SAMD5: variants seen among roughly 807,000 people sequenced by gnomAD.
SAMD5 encodes sterile alpha motif domain containing 5.
A neutral mutation model predicts 11.3 loss-of-function variants in SAMD5; 13 were observed. The observed-to-expected ratio is 1.15, with a 90% CI of 0.75 to 1.83. The LOEUF is 1.83. SAMD5 is among the 40% of genes most tolerant of loss of function. The pLI is 0.00. For missense variants in SAMD5, 255 were observed against 239.1 expected (o/e 1.07, Z -0.44); for synonymous variants, 129 against 111.3 (o/e 1.16, Z -1.00).
intron 1 of SAMD5, among the ~76,000 whole-genome samples, chr6:147,600,410 T>C (rs1270508695): frequency 2.0e-5 from 3 of 152,182 alleles, no homozygotes; most frequent in South Asian, 2.1e-4. Context: ...TGGCTTCAGA[T>C]AGATTTTCTA....
chr6:147,674,896 T>C (rs1362519543), intron 1 of SAMD5, among the ~76,000 whole-genome samples: 4 of 152,230 alleles, frequency 2.6e-5, no homozygotes, highest in Non-Finnish European at 5.9e-5. Context: ...CCACCACACC[T>C]GATTCACAAA....
At chr6:147,903,725 T>A in the SAMD5 span, among the ~76,000 whole-genome samples, 1 of 151,932 alleles carries the variant, frequency 6.6e-6, no homozygotes, top group Non-Finnish European at 1.5e-5. Context: ...CTGGCCAACA[T>A]GGTGAAACCC....
At chr6:147,533,270 A>T (rs996554630) in intron 1 of SAMD5, among the ~76,000 whole-genome samples, 2 of 151,842 alleles carry the variant, frequency 1.3e-5, no homozygotes, top group African/African-American at 4.8e-5. Flanking sequence ...CCTCAACTTC[A>T]TGGTAGACCT....
chr6:147,523,076 T>G (rs1475520876), intron 1 of SAMD5, among the ~76,000 whole-genome samples: 2 of 152,030 alleles, frequency 1.3e-5, no homozygotes, highest in Admixed American at 1.3e-4. Flanking sequence ...CACCTCCCCC[T>G]CAATCCCCTA....
chr6:147,663,778 C>T (rs1439288316), intron 1 of SAMD5, among the ~76,000 whole-genome samples: 10 of 102,590 alleles, frequency 9.7e-5, no homozygotes, highest in Admixed American at 3.2e-4. Context: ...GGTGAAAGAG[C>T]GAAACTCTGT....
chr6:147,522,606 A>G (rs911611128), intron 1 of SAMD5, among the ~76,000 whole-genome samples: 2 of 152,256 alleles, frequency 1.3e-5, no homozygotes, highest in African/African-American at 2.4e-5. Flanking sequence ...TGAGGAATTC[A>G]TAATAATCTT....
At chr6:147,806,546 T>C in the SAMD5 span, among the ~76,000 whole-genome samples, 29 of 152,228 alleles carry the variant, frequency 1.9e-4, no homozygotes, top group Non-Finnish European at 3.7e-4. Context: ...CTCTGACCTC[T>C]AGCACATGCA....
At position 147,567,600 on chromosome 6, in the gene SAMD5, A is replaced by G. The variant is rs1789062967; in HGVS notation, c.*3144A>G. 2.1e-6 allele frequency: 2 copies of G among 956,162 alleles called. No individual in the cohort carries two copies. The highest frequency in any genetic ancestry group is 2.5e-6 in the Non-Finnish European group (2 of 803,512). 59.2% of individuals were successfully genotyped at this position (956,162 alleles called of 1,614,324 possible). A position where few individuals can be genotyped will look rare whatever the true frequency, so the allele number is the denominator to read the frequency against. On this transcript the variant is annotated 3_prime_UTR_variant, in exon 2 of 2. Coordinates refer to ENST00000367474, the MANE Select transcript of SAMD5 (RefSeq NM_001030060.3). ...AGTTCTATGGCTTACACCCACATAC[A>G]GTCCTTGGCTCAGTGCTAGGCATGT...
the SAMD5 span, among the ~76,000 whole-genome samples, chr6:147,755,946 C>T: frequency 6.6e-6 from 1 of 152,036 alleles, no homozygotes; most frequent in Non-Finnish European, 1.5e-5. Flanking sequence ...AGACTCCTTG[C>T]ACAGACAATA....
downstream of SAMD5, among the ~76,000 whole-genome samples, chr6:147,571,297 A>G (rs1226475476): frequency 8.5e-5 from 13 of 152,136 alleles, no homozygotes; most frequent in Admixed American, 8.5e-4. Flanking sequence ...AAAGAATAGG[A>G]TGGTTTATAT....
chr6:147,779,813 T>C, the SAMD5 span, among the ~76,000 whole-genome samples: 1 of 152,256 alleles, frequency 6.6e-6, no homozygotes, highest in African/African-American at 2.4e-5. Flanking sequence ...AAATCATTTC[T>C]GACAATTTTT....
At chr6:147,865,062 A>G in the SAMD5 span, among the ~76,000 whole-genome samples, 1 of 152,218 alleles carries the variant, frequency 6.6e-6, no homozygotes, top group African/African-American at 2.4e-5. Flanking sequence ...ATTGCTTCCC[A>G]AACTTATTTC....
the SAMD5 span, among the ~76,000 whole-genome samples, chr6:147,909,507 G>A: frequency 1.3e-5 from 2 of 151,940 alleles, no homozygotes; most frequent in African/African-American, 4.8e-5. Flanking sequence ...TTATTAAATG[G>A]GAAAAGAGCT....
At chr6:147,643,261 T>A (rs34896869) in intron 1 of SAMD5, among the ~76,000 whole-genome samples, 13,508 of 152,262 alleles carry the variant, frequency 0.089, 896 homozygotes, top group East Asian at 0.25. Flanking sequence ...TGCTTTTTTT[T>A]ATGGGCTTCA....
chr6:147,616,516 T>C (rs1186578921), intron 1 of SAMD5, among the ~76,000 whole-genome samples: 1 of 152,030 alleles, frequency 6.6e-6, no homozygotes, highest in Non-Finnish European at 1.5e-5. Context: ...TTCTATTCAC[T>C]AGCCATATGA....
Position 147,509,085 on chromosome 6 carries a change from C to A in SAMD5, c.157C>A (p.Arg53Ser). 6.2e-7 allele frequency: 1 copy of A among 1,600,148 alleles called. No individual in the cohort carries two copies. Among genetic ancestry groups the A allele is most frequent in the Non-Finnish European group, 8.5e-7 (1 of 1,174,650 alleles). Residue 53 changes from arginine to serine, a missense_variant, in exon 1 of 2, where the codon CGC becomes AGC. Arg to Ser is a moderately radical substitution (Grantham distance 110). Transcript: ENST00000367474. ...CGGGGTGCTGGCGCCCGCGCACCGC[C>A]GCCGTATCCTGGAGGCCGTGCGCCG... The part of the protein sequence containing the change: ...AIGVLAPAHR[R>S]RILEAVRRLR...
intron 1 of SAMD5, among the ~76,000 whole-genome samples, chr6:147,535,907 C>T (rs1265232488): frequency 6.6e-6 from 1 of 152,076 alleles, no homozygotes; most frequent in Non-Finnish European, 1.5e-5. Context: ...CCGTAACGGG[C>T]TTTAATTGGC....
the SAMD5 span, among the ~76,000 whole-genome samples, chr6:147,762,825 G>A: frequency 1.3e-5 from 2 of 152,132 alleles, no homozygotes; most frequent in Non-Finnish European, 1.5e-5. Flanking sequence ...TGAAGTTTTA[G>A]GTGATGTGAT....
At chr6:147,640,453 C>T (rs953300624) in intron 1 of SAMD5, among the ~76,000 whole-genome samples, 1 of 134,992 alleles carries the variant, frequency 7.4e-6, no homozygotes, top group Non-Finnish European at 1.5e-5. Flanking sequence ...GCTGAGATCA[C>T]GCCACTGTCC....
Sources: allele counts gnomAD v4.1 joint callset (sites outside exome capture counted in the v4.1 genomes callset), GRCh38; gene constraint gnomAD v4.1.1; transcripts MANE v1.5; gene names NCBI Gene and HGNC (gene_info 2026-07-23, HGNC 2026-07-21).